AXIN1: variants seen among roughly 807,000 people sequenced by gnomAD.
AXIN1 encodes the protein axin 1.
A neutral mutation model predicts 76.4 loss-of-function variants in AXIN1; 30 were observed. The observed-to-expected ratio is 0.39, with a 90% confidence interval of 0.29 to 0.53. AXIN1 has a LOEUF of 0.53. Ranked by LOEUF, AXIN1 falls within the 20% of genes least tolerant of loss-of-function variation. AXIN1 has a pLI of 0.66. For missense variants in AXIN1, 1,140 were observed against 1,198.8 expected (o/e 0.95, Z 0.72); for synonymous variants, 545 against 501.4 (o/e 1.09, Z -1.16).
At chr16:289,854 C>T (rs1054858081) in intron 9 of AXIN1, 4 of 584,896 alleles carry the variant, frequency 6.8e-6, no homozygotes, top group East Asian at 2.9e-5. Flanking sequence ...GCCCCACCCT[C>T]GACTGGCCAG....
intron 2 of AXIN1, among the ~76,000 whole-genome samples, chr16:329,248 G>C (rs1488153519): frequency 7.8e-6 from 1 of 128,664 alleles, no homozygotes; most frequent in Non-Finnish European, 1.5e-5. Context: ...CTGCACTCCA[G>C]CCTGGGCGAC....
intron 2 of AXIN1, among the ~76,000 whole-genome samples, chr16:327,897 G>C (rs1408700370): frequency 6.6e-6 from 1 of 152,250 alleles, no homozygotes; most frequent in Non-Finnish European, 1.5e-5. Context: ...GGGTGGGAAA[G>C]GCTGCAGGTC....
Position 311,764 on chromosome 16 carries a change from A to C in AXIN1, c.1020-1695T>G, listed in dbSNP as rs148594948. ...CCAGTCTGGGCAACAGAGCAAGACT[A>C]CGTCTCAAAAAAGAAAAGGAAGAAA... On this transcript the variant is annotated intron_variant, in intron 3 of 10. Coordinates refer to ENST00000262320, the MANE Select transcript of AXIN1 (RefSeq NM_003502.4). Among the ~76,000 whole-genome samples the C allele has an allele frequency of 3.2e-3, 481 of 152,232 alleles. 3 individuals carry two copies. The highest frequency in any genetic ancestry group is 0.01 in the African/African-American group (423 of 41,536).
intron 7 of AXIN1, among the ~76,000 whole-genome samples, chr16:295,346 G>A (rs2052683289): frequency 6.6e-6 from 1 of 151,832 alleles, no homozygotes; most frequent in Admixed American, 6.6e-5. Context: ...CGGACCTCAA[G>A]CGATCCACCT....
At chr16:334,156 C>T (rs1311935423) in intron 2 of AXIN1, among the ~76,000 whole-genome samples, 1 of 151,154 alleles carries the variant, frequency 6.6e-6, no homozygotes, top group Non-Finnish European at 1.5e-5. Flanking sequence ...AATAACACAG[C>T]ACCCAGTACC....
intron 2 of AXIN1, among the ~76,000 whole-genome samples, chr16:337,957 G>A (rs184744413): frequency 1.3e-5 from 2 of 152,222 alleles, no homozygotes; most frequent in Admixed American, 6.5e-5. Flanking sequence ...ACCTTCTGGA[G>A]CTAATGGGTT....
At chr16:308,752 C>T (rs928520383) in intron 4 of AXIN1, among the ~76,000 whole-genome samples, 4 of 152,194 alleles carry the variant, frequency 2.6e-5, no homozygotes, top group African/African-American at 4.8e-5. Context: ...CACACACGCA[C>T]GCACCCACAC....
chr16:351,393 T>G (rs532747641), intron 1 of AXIN1, among the ~76,000 whole-genome samples: 1 of 152,288 alleles, frequency 6.6e-6, no homozygotes, highest in African/African-American at 2.4e-5. Flanking sequence ...GCAGATCACC[T>G]GAGGTCAGGA....
At chr16:345,851 C>T (rs1158192863) in intron 2 of AXIN1, among the ~76,000 whole-genome samples, 1 of 152,232 alleles carries the variant, frequency 6.6e-6, no homozygotes, top group African/African-American at 2.4e-5. Context: ...ACAGACTTTA[C>T]TGCTGAAGGG....
intron 2 of AXIN1, among the ~76,000 whole-genome samples, chr16:329,578 T>C (rs538515797): frequency 1.3e-5 from 2 of 152,154 alleles, no homozygotes; most frequent in East Asian, 3.9e-4. Context: ...CCCGAGTAGA[T>C]GGGATTACAG....
At chr16:314,041 C>T (rs1025431491) in intron 3 of AXIN1, among the ~76,000 whole-genome samples, 4 of 152,322 alleles carry the variant, frequency 2.6e-5, no homozygotes, top group Middle Eastern at 3.4e-3. Context: ...CCACATCACT[C>T]GCCACAGCCA....
rs927655494 is a variant in AXIN1, at chr16:342,352, G to A, written c.878+3796C>T. Among the ~76,000 whole-genome samples the A allele has an allele frequency of 2.0e-5, 3 of 151,764 alleles. No individual in the cohort carries two copies. In the East Asian group the frequency reaches 5.9e-4, roughly 30 times the overall value. On this transcript the variant is annotated intron_variant, in intron 2 of 10. Transcript: ENST00000262320. Reference sequence around the variant, plus strand: ...GGCAAGGGTCCGCGGCTTCATTCTTGAAGTCAGTGAGACCAAGAACCCACC... The same window carrying A: ...GGCAAGGGTCCGCGGCTTCATTCTTAAAGTCAGTGAGACCAAGAACCCACC...
At chr16:288,417 T>G (rs1450625433) in intron 10 of AXIN1, 169 bp from the exon 11 acceptor site, 35 of 975,588 alleles carry the variant, frequency 3.6e-5, no homozygotes, top group Non-Finnish European at 5.2e-5. Context: ...AACAGTGCAA[T>G]GACCACATGT....
chr16:321,536 G>A (rs1326853958), intron 2 of AXIN1, among the ~76,000 whole-genome samples: 1 of 152,234 alleles, frequency 6.6e-6, no homozygotes, highest in Non-Finnish European at 1.5e-5. Flanking sequence ...CTCAACTCAC[G>A]ACAAGGCTGT....
rs113711005 is a variant in AXIN1, at chr16:333,603, A to C, written c.878+12545T>G. ...AATGTCTGGAGGGAAGAAAAAAAGC[A>C]CCATCCACACCGTATGAAGAGAATG... On this transcript the variant is annotated intron_variant, in intron 2 of 10. Transcript: ENST00000262320. 2.2e-3 allele frequency among the ~76,000 whole-genome samples: 338 copies of C among 152,194 alleles called. 3 individuals carry two copies. The highest frequency in any genetic ancestry group is 7.9e-3 in the African/African-American group (327 of 41,474).
intron 5 of AXIN1, chr16:299,260 T>C (rs1403026864): frequency 1.1e-5 from 11 of 984,900 alleles, no homozygotes; most frequent in Non-Finnish European, 1.3e-5. Flanking sequence ...ATACTTATTT[T>C]CTCATCTTAT....
chr16:327,137 G>A (rs1162141218), intron 2 of AXIN1, among the ~76,000 whole-genome samples: 3 of 150,690 alleles, frequency 2.0e-5, no homozygotes, highest in Admixed American at 6.6e-5. Flanking sequence ...GCGAGGCTCC[G>A]TCTCAAAAAA....
intron 8 of AXIN1, chr16:291,635 C>T (rs1302870229): frequency 2.4e-6 from 1 of 409,370 alleles, no homozygotes; most frequent in Non-Finnish European, 4.6e-6. Flanking sequence ...AGAGTCTGTC[C>T]TTCAGTCTCT....
Position 297,911 on chromosome 16 carries a change from T to C in AXIN1, c.1595A>G (p.His532Arg), listed in dbSNP as rs2052759505. The change falls in exon 6 of 11, where the codon CAC (histidine) becomes CGC (arginine). Residue 532 changes from histidine (H) to arginine (R), a missense_variant. Physicochemically the swap from His to Arg is conservative, Grantham distance 29. Coordinates refer to ENST00000262320, the MANE Select transcript of AXIN1 (RefSeq NM_003502.4). ...GTGGACGTGGTGGTGGACGTGTCGGTGGTGGTGCAGGCCGGCCGCGTCCAG... is the reference window on the plus strand; with the variant it reads ...GTGGACGTGGTGGTGGACGTGTCGGCGGTGGTGCAGGCCGGCCGCGTCCAG... ...AKLDAAGLHHHRHVHHHVHHS... is the reference protein window; with the variant it reads ...AKLDAAGLHHRRHVHHHVHHS... 1 of 1,597,196 alleles carries C rather than the reference T, an allele frequency of 6.3e-7. No individual in the cohort carries two copies. The highest frequency in any genetic ancestry group is 8.5e-7 in the Non-Finnish European group (1 of 1,171,058).
Sources: gnomAD v4.1 joint callset for allele counts (sites outside exome capture counted in the v4.1 genomes callset) on GRCh38, gnomAD v4.1.1 for gene constraint, MANE v1.5 for transcripts, NCBI Gene and HGNC (gene_info 2026-07-23, HGNC 2026-07-21) for gene names.